The following SNTG1 variants were observed in gnomAD, a reference collection of about 807,000 sequenced individuals.
SNTG1 encodes gamma-1-syntrophin.
A neutral mutation model predicts 74.7 loss-of-function variants in SNTG1; 39 were observed. The observed-to-expected ratio is 0.52, with a 90% CI of 0.40 to 0.68. The LOEUF is 0.68. SNTG1 is among the 30% of genes least tolerant of loss of function. SNTG1 has a pLI of 0.00. For synonymous variants in SNTG1, 254 were observed against 217.1 expected (o/e 1.17, Z -1.49); for missense variants, 685 against 609.5 (o/e 1.12, Z -1.30).
intron 2 of SNTG1, among the ~76,000 whole-genome samples, chr8:50,243,659 T>A (rs1211925699): frequency 6.6e-6 from 1 of 150,792 alleles, no homozygotes; most frequent in Non-Finnish European, 1.5e-5. Context: ...TTTTAAGGCG[T>A]TTGGGCCAGG....
intron 1 of SNTG1, among the ~76,000 whole-genome samples, chr8:50,034,288 C>T (rs1282807752): frequency 2.6e-5 from 4 of 152,162 alleles, no homozygotes; most frequent in African/African-American, 7.2e-5. Flanking sequence ...ATACAAATCA[C>T]ACTCCTATAT....
Position 50,118,715 on chromosome 8 carries a change from T to C in SNTG1, c.-102-53846T>C, listed in dbSNP as rs2080906141. Among the ~76,000 whole-genome samples, 2 of 142,836 alleles carry C rather than the reference T, an allele frequency of 1.4e-5. 1 individual carries two copies. The highest frequency in any genetic ancestry group is 5.1e-5 in the African/African-American group (2 of 39,548). 93.7% of individuals were successfully genotyped at this position (142,836 alleles called of 152,430 possible). ...ATTATTTTCTTTTATTTTTCCTTTA[T>C]AGTTTATAAAATTAAAGTGTATTCT... On this transcript the variant is annotated intron_variant, in intron 1 of 18. Coordinates refer to ENST00000642720, the MANE Select transcript of SNTG1 (RefSeq NM_018967.5).
In SNTG1 at chr8:50,502,800, GAGA is replaced by G. The variant is rs758567440; in HGVS notation, c.392_394del (p.Glu131del). The G allele has an allele frequency of 8.9e-5, 143 of 1,612,618 alleles. No homozygotes were observed. The highest frequency in any genetic ancestry group is 1.7e-4 in the Middle Eastern group (1 of 6,060). On this transcript the variant is annotated inframe_deletion, in exon 9 of 19. Coordinates refer to ENST00000642720, the MANE Select transcript of SNTG1 (RefSeq NM_018967.5). ...CAGGTTCAGGTTCTTCGGAATGCTG[GAGA>G]AGAAGTGACTCTAACAGTGTCATTT...
chr8:50,681,299 A>G (rs957735127), intron 15 of SNTG1, among the ~76,000 whole-genome samples: 1 of 152,096 alleles, frequency 6.6e-6, no homozygotes, highest in African/African-American at 2.4e-5. Flanking sequence ...TTTTTTTTTA[A>G]ATGTCATTTA....
chr8:50,509,286 G>A (rs2094041681), intron 9 of SNTG1, among the ~76,000 whole-genome samples: 3 of 152,134 alleles, frequency 2.0e-5, no homozygotes, highest in African/African-American at 7.2e-5. Flanking sequence ...CTCTATCTCT[G>A]TTTTGGTACC....
intron 2 of SNTG1, among the ~76,000 whole-genome samples, chr8:50,385,844 C>T (rs1264218274): frequency 3.9e-5 from 6 of 152,186 alleles, no homozygotes; most frequent in African/African-American, 1.2e-4. Flanking sequence ...ATTAGAGTCA[C>T]CACCTGGCTA....
chr8:50,515,387 G>GTTT (rs34086906), intron 9 of SNTG1, among the ~76,000 whole-genome samples: 19 of 80,386 alleles, frequency 2.4e-4, no homozygotes, highest in East Asian at 4.7e-4. Context: ...AGCTGCAGGA[G>GTTT]TTTTTTTTTT....
At chr8:50,214,736 C>T (rs1166731850) in intron 2 of SNTG1, among the ~76,000 whole-genome samples, 1 of 152,102 alleles carries the variant, frequency 6.6e-6, no homozygotes, top group Non-Finnish European at 1.5e-5. Context: ...CTGGCAAGGC[C>T]TTTTCAATTG....
intron 1 of SNTG1, among the ~76,000 whole-genome samples, chr8:50,011,502 T>G (rs1815791222): frequency 6.6e-6 from 1 of 152,112 alleles, no homozygotes; most frequent in African/African-American, 2.4e-5. Flanking sequence ...TTACATGGTG[T>G]TTTTAACCTC....
chr8:50,172,199 T>A (rs1243934443), intron 1 of SNTG1, among the ~76,000 whole-genome samples: 1 of 152,152 alleles, frequency 6.6e-6, no homozygotes, highest in African/African-American at 2.4e-5. Context: ...CTTTTAAATA[T>A]TATCACTAAT....
chr8:50,359,430 T>C (rs1405472493), intron 2 of SNTG1, among the ~76,000 whole-genome samples: 1 of 152,212 alleles, frequency 6.6e-6, no homozygotes, highest in East Asian at 1.9e-4. Flanking sequence ...GGCATTTAAG[T>C]GTCCTGAATT....
chr8:50,201,591 C>G (rs1586671800), intron 2 of SNTG1, among the ~76,000 whole-genome samples: 1 of 151,988 alleles, frequency 6.6e-6, no homozygotes, highest in Admixed American at 6.6e-5. Context: ...TTTCTGAGTT[C>G]TAGAATTAGC....
chr8:50,550,669 G>C (rs1215488440), intron 11 of SNTG1, among the ~76,000 whole-genome samples: 1 of 150,556 alleles, frequency 6.6e-6, no homozygotes, highest in African/African-American at 2.5e-5. Context: ...ACTCTTCAGT[G>C]ATGTAATTTT....
chr8:50,041,410 ACT>A (rs1818630796), intron 1 of SNTG1, among the ~76,000 whole-genome samples: 1 of 152,108 alleles, frequency 6.6e-6, no homozygotes, highest in African/African-American at 2.4e-5. Context: ...ACTAATAAAG[ACT>A]CTAAACATTT....
chr8:50,772,148 G>T (rs2095628771), intron 18 of SNTG1, among the ~76,000 whole-genome samples: 1 of 151,976 alleles, frequency 6.6e-6, no homozygotes, highest in South Asian at 2.1e-4. Context: ...CTGAATTATA[G>T]AGCCACCAAC....
At chr8:50,082,216 T>C (rs940643400) in intron 1 of SNTG1, among the ~76,000 whole-genome samples, 1 of 152,158 alleles carries the variant, frequency 6.6e-6, no homozygotes, top group Admixed American at 6.5e-5. Context: ...TTTGAATATA[T>C]TTATAATAGC....
At chr8:50,263,543 A>G (rs943001262) in intron 2 of SNTG1, among the ~76,000 whole-genome samples, 30 of 152,200 alleles carry the variant, frequency 2.0e-4, no homozygotes, top group Non-Finnish European at 1.2e-4. Flanking sequence ...AATGCAAATG[A>G]TGATCTTAAG....
At chr8:50,346,981 A>C (rs1470357187) in intron 2 of SNTG1, among the ~76,000 whole-genome samples, 1 of 152,250 alleles carries the variant, frequency 6.6e-6, no homozygotes, top group African/African-American at 2.4e-5. Flanking sequence ...AAAGCAGCAA[A>C]TGCTGATGTA....
At chr8:50,576,347 A>C (rs570700627) in intron 12 of SNTG1, among the ~76,000 whole-genome samples, 4 of 152,270 alleles carry the variant, frequency 2.6e-5, no homozygotes, top group South Asian at 4.1e-4. Context: ...GCCCGTTTTT[A>C]GACCTATAGC....
Sources: gnomAD v4.1 joint callset for allele counts (sites outside exome capture counted in the v4.1 genomes callset) on GRCh38, gnomAD v4.1.1 for gene constraint, MANE v1.5 for transcripts, NCBI Gene and HGNC (gene_info 2026-07-23, HGNC 2026-07-21) for gene names.